Variants in MELTF observed in about 807,000 individuals in gnomAD.
The protein encoded by MELTF is antigen p97 (melanoma associated) identified by monoclonal antibodies 133.2 and 96.5.
Under a neutral mutation model 83.7 loss-of-function variants are expected in MELTF, and 67 were observed. The observed-to-expected ratio is 0.80, with a 90% confidence interval of 0.66 to 0.98. MELTF has a LOEUF of 0.98. Among genes scored for constraint, MELTF ranks in the 50% least tolerant of loss-of-function variants. The pLI, the probability that MELTF is intolerant of heterozygous loss-of-function variation, is 0.00. For missense variants in MELTF, 1,002 were observed against 1,035.6 expected, an observed-to-expected ratio of 0.97 and a Z score of 0.44; for synonymous variants, 462 against 447.6, an observed-to-expected ratio of 1.03 and a Z score of -0.41.
intron 7 of MELTF, 91 bp downstream of exon 7, chr3:197,017,012 C>T (rs1719402514): frequency 7.9e-6 from 11 of 1,383,740 alleles, no homozygotes; most frequent in Non-Finnish European, 1.1e-5. Flanking sequence ...GTCTCTGGGT[C>T]CTGCCCCTCC....
chr3:197,024,366 C>G lies in MELTF; in HGVS notation c.424G>C (p.Val142Leu). The change falls in exon 4 of 16, where the codon GTG becomes CTG. Residue 142 changes from valine (V) to leucine (L), a missense_variant. Transcript: ENST00000296350. This position sits in a 1 kb window ranked among gnomAD's most constrained non-coding sequence, Gnocchi z 5.3. ...TGINRTVGWN[V>L]PVGYLVESGR... The stretch of plus-strand genomic sequence containing the variant: ...CTCTCCACCAGGTAGCCCACGGGCA[C>G]GTTCCAGCCCACTGTGCGATTGATG... 1 of 1,604,590 alleles carries G rather than the reference C, an allele frequency of 6.2e-7. No individual in the cohort carries two copies. The highest frequency in any genetic ancestry group is 8.5e-7 in the Non-Finnish European group (1 of 1,173,872).
chr3:197,012,116 G>A (rs114352605), intron 9 of MELTF, among the ~76,000 whole-genome samples: 2,144 of 152,280 alleles, frequency 0.014, 52 homozygotes, highest in African/African-American at 0.048. Flanking sequence ...GGCTTCTATC[G>A]GGCCTGCGGA....
At chr3:197,027,196 T>A in intron 2 of MELTF, 1 of 199,166 alleles carries the variant, frequency 5.0e-6, no homozygotes, top group Non-Finnish European at 1.0e-5. Flanking sequence ...AGTGTGGGCC[T>A]GTGATTGGAT....
rs1308173253 is a variant in MELTF at position 197,022,546 on chromosome 3, T to C, written c.644+411A>G. Among the ~76,000 whole-genome samples, 1 of 151,344 alleles carries C rather than the reference T, an allele frequency of 6.6e-6. No individual in the cohort carries two copies. The highest frequency in any genetic ancestry group is 2.4e-5 in the African/African-American group (1 of 41,100). On this transcript the variant is annotated intron_variant, in intron 5 of 15. Coordinates refer to ENST00000296350, the MANE Select transcript of MELTF (RefSeq NM_005929.6). The surrounding 1 kb of genome is among the most constrained non-coding windows in gnomAD (Gnocchi z 5.1). Reference sequence around the variant, plus strand: ...GGAATTGGACCACGAGCTGTTAGAGTCTCCTGCATCCACGGAAGGGTTACC... The same window carrying C: ...GGAATTGGACCACGAGCTGTTAGAGCCTCCTGCATCCACGGAAGGGTTACC...
intron 1 of MELTF, chr3:197,028,643 C>T (rs1719959027): frequency 6.6e-6 from 1 of 152,462 alleles, no homozygotes; most frequent in African/African-American, 2.4e-5. Context: ...CTGCTTATGC[C>T]TCAGGATCTG....
intron 9 of MELTF, among the ~76,000 whole-genome samples, chr3:197,013,246 T>C (rs1335531077): frequency 6.6e-6 from 1 of 151,992 alleles, no homozygotes; most frequent in Non-Finnish European, 1.5e-5. Flanking sequence ...TTGACAAAGG[T>C]TTCAAGAACC....
In MELTF at chr3:197,027,910, A is replaced by G. The variant is rs149836828; in HGVS notation, c.50T>C (p.Val17Ala). Residue 17 changes from valine to alanine, a missense_variant and splice_region_variant, in exon 2 of 16, where the codon GTG becomes GCG. Transcript: ENST00000296350. ...CCACCGCACCTCCATGCCACCGAGC[A>G]CTGCGGGCAGGGGACCGTGAGGCCC... ...ALWLLLALRT[V>A]LGGMEVRWCA... 10,598 of 1,581,322 alleles carry G rather than the reference A, an allele frequency of 6.7e-3. 46 individuals carry two copies. Among genetic ancestry groups the G allele is most frequent in the Non-Finnish European group, 8.0e-3 (9,287 of 1,164,700 alleles).
At chr3:197,027,041 C>T (rs1024318649) in intron 2 of MELTF, 4 of 419,864 alleles carry the variant, frequency 9.5e-6, no homozygotes, top group Admixed American at 3.5e-5. Flanking sequence ...AAACGGTGCG[C>T]AGTGACAAGT....
At position 197,024,536 on chromosome 3, in the gene MELTF, G is replaced by A. The variant is rs1719775268; in HGVS notation, c.305-51C>T. 3 of 1,495,718 alleles carry A rather than the reference G, an allele frequency of 2.0e-6. No homozygotes were observed. The allele number at this position is 1,495,718 out of a possible 1,614,324, so 92.7% of individuals were successfully genotyped here. Reference sequence around the variant, plus strand: ...GGCAGCAGGGAGAGGCCTCGAGAGAGGCTGCACCAGCACCCTGCCTGGGCG... The same window carrying A: ...GGCAGCAGGGAGAGGCCTCGAGAGAAGCTGCACCAGCACCCTGCCTGGGCG... On this transcript the variant is annotated intron_variant, in intron 3 of 15. Transcript: ENST00000296350. The surrounding 1 kb of genome is among the most constrained non-coding windows in gnomAD (Gnocchi z 5.3).
Position 197,023,066 on chromosome 3 carries a change from T to A in MELTF, c.535A>T (p.Thr179Ser). The A allele has an allele frequency of 6.8e-6, 11 of 1,613,780 alleles. No homozygotes were observed. Among genetic ancestry groups the A allele is most frequent in the South Asian group, 1.1e-5 (1 of 91,068 alleles). ...CGACAGAGGGACTCAGAGTAACTGGTCTCTCCTGCCCCCGGGACGCAGCTG... is the reference window on the plus strand; with the variant it reads ...CGACAGAGGGACTCAGAGTAACTGGACTCTCCTGCCCCCGGGACGCAGCTG... Reference protein sequence around the residue: ...GGSCVPGAGETSYSESLCRLC... With the variant: ...GGSCVPGAGESSYSESLCRLC... Residue 179 changes from threonine (T) to serine (S), a missense_variant, in exon 5 of 16, where the codon ACC becomes TCC. Coordinates refer to ENST00000296350, the MANE Select transcript of MELTF (RefSeq NM_005929.6).
Position 197,024,153 on chromosome 3 carries a change from G to A in MELTF, c.487+150C>T. On this transcript the variant is annotated intron_variant, in intron 4 of 15. Transcript: ENST00000296350. The surrounding 1 kb of genome is among the most constrained non-coding windows in gnomAD (Gnocchi z 5.3). ...CGCCGGCGGCAGAGTGGAGGCGGGG[G>A]AGGCACGGGGCGGGCGGGGGCTGCT... The A allele has an allele frequency of 2.5e-6, 2 of 803,160 alleles. No homozygotes were observed. The highest frequency in any genetic ancestry group is 3.8e-6 in the Non-Finnish European group (2 of 526,532). 49.8% of individuals were successfully genotyped at this position (803,160 alleles called of 1,614,324 possible).
intron 8 of MELTF, 94 bp downstream of exon 8, chr3:197,016,095 G>A: frequency 8.7e-7 from 1 of 1,148,112 alleles, no homozygotes; most frequent in Non-Finnish European, 1.2e-6. Flanking sequence ...CCTCCCTGGT[G>A]AGCGTCTTCC....
chr3:197,010,786 C>T lies in MELTF; in HGVS notation c.1242G>A (p.Gln414=), dbSNP rs564475523. The T allele has an allele frequency of 5.6e-6, 9 of 1,613,396 alleles. No homozygotes were observed. Among genetic ancestry groups the T allele is most frequent in the Non-Finnish European group, 7.6e-6 (9 of 1,180,034 alleles). ...CGCCACTCAGGGTCACAGCGTCGAC[C>T]TGCTCAGCCTGAAGGGAATAGAAGA... The part of the protein sequence containing the change: ...QHCMERIQAE[Q]VDAVTLSGED... The change falls in exon 10 of 16, where the codon CAG becomes CAA. Residue 414 remains glutamine (Q), a synonymous_variant. Coordinates refer to ENST00000296350, the MANE Select transcript of MELTF (RefSeq NM_005929.6).
Position 197,029,584 on chromosome 3 carries a change from G to A in MELTF, c.49+70C>T. 1.7e-6 allele frequency: 2 copies of A among 1,188,494 alleles called. No individual in the cohort carries two copies. Among genetic ancestry groups the A allele is most frequent in the East Asian group, 3.2e-5 (1 of 31,482 alleles). 73.6% of individuals were successfully genotyped at this position (1,188,494 alleles called of 1,614,324 possible). A position where few individuals can be genotyped will look rare whatever the true frequency, so the allele number is the denominator to read the frequency against. ...AGGCTCAGGCACATTTCCAGCCCCGGGACCTGCTCAGCCGGGCCGCGGCGC... is the reference window on the plus strand; with the variant it reads ...AGGCTCAGGCACATTTCCAGCCCCGAGACCTGCTCAGCCGGGCCGCGGCGC... On this transcript the variant is annotated intron_variant, in intron 1 of 15. Transcript: ENST00000296350. This position sits in a 1 kb window ranked among gnomAD's most constrained non-coding sequence, Gnocchi z 6.5.
chr3:197,018,430 C>T (rs1021063837), intron 6 of MELTF, among the ~76,000 whole-genome samples: 2 of 151,724 alleles, frequency 1.3e-5, no homozygotes, highest in African/African-American at 4.9e-5. Flanking sequence ...GGATTACAGG[C>T]GTGAGCCTCC....
rs1052828154 is a variant in MELTF, at chr3:197,007,623, G to C, written c.1751-887C>G. Among the ~76,000 whole-genome samples, 1 of 152,196 alleles carries C rather than the reference G, an allele frequency of 6.6e-6. No individual in the cohort carries two copies. The highest frequency in any genetic ancestry group is 1.5e-5 in the Non-Finnish European group (1 of 68,024). On this transcript the variant is annotated intron_variant, in intron 13 of 15. Transcript: ENST00000296350. This position sits in a 1 kb window ranked among gnomAD's most constrained non-coding sequence, Gnocchi z 4.3. ...TGCAGGAGCACACAGCCCCTCCCTG[G>C]GGGAGGGTTTCAGGTGTTCTTGGTA... is the stretch of plus-strand genomic sequence containing the variant.
chr3:197,023,893 C>T (rs747196494), intron 4 of MELTF: 17 of 462,394 alleles, frequency 3.7e-5, no homozygotes, highest in South Asian at 1.4e-4. Flanking sequence ...GGGTGCAAGT[C>T]GGCACCTCGT....
intron 5 of MELTF, among the ~76,000 whole-genome samples, 154 bp from the exon 6 acceptor site, chr3:197,021,625 T>C (rs946441019): frequency 6.6e-6 from 1 of 152,200 alleles, no homozygotes; most frequent in African/African-American, 2.4e-5. Context: ...GCTGGTCGGC[T>C]GTGTGCCTTT....
At position 197,007,120 on chromosome 3, in the gene MELTF, G is replaced by C. The variant is rs1197251638; in HGVS notation, c.1751-384C>G. ...CCCCATCTATGTGTTACATCCTCAA[G>C]CCTGAGTGTGGGGTGGCTCCCTGAA... On this transcript the variant is annotated intron_variant, in intron 13 of 15. Coordinates refer to ENST00000296350, the MANE Select transcript of MELTF (RefSeq NM_005929.6). The surrounding 1 kb of genome is among the most constrained non-coding windows in gnomAD (Gnocchi z 4.3). Among the ~76,000 whole-genome samples the C allele has an allele frequency of 6.6e-6, 1 of 152,158 alleles. No individual in the cohort carries two copies. The highest frequency in any genetic ancestry group is 1.5e-5 in the Non-Finnish European group (1 of 68,034).
Sources: gnomAD v4.1 joint callset for allele counts (sites outside exome capture counted in the v4.1 genomes callset) on GRCh38, gnomAD v4.1.1 for gene constraint, Gnocchi (gnomAD v3.1) non-coding constraint, MANE v1.5 for transcripts, NCBI Gene and HGNC (gene_info 2026-07-23, HGNC 2026-07-21) for gene names.